Variants in DENND1B observed in about 807,000 individuals in gnomAD.
DENND1B encodes the protein DENN domain-containing protein 1B.
Under a neutral mutation model 90.1 loss-of-function variants are expected in DENND1B, and 59 were observed. The observed-to-expected ratio is 0.65, with a 90% CI of 0.53 to 0.81. DENND1B has a LOEUF of 0.81. Among genes scored for constraint, DENND1B ranks in the 40% least tolerant of loss-of-function variants. DENND1B has a pLI of 0.00. For synonymous variants in DENND1B, 337 were observed against 324.6 expected, an observed-to-expected ratio of 1.04 and a Z score of -0.41; for missense variants, 862 against 912.6, an observed-to-expected ratio of 0.94 and a Z score of 0.71.
intron 14 of DENND1B, among the ~76,000 whole-genome samples, chr1:197,589,704 A>C (rs1431426495): frequency 2.6e-5 from 4 of 152,192 alleles, no homozygotes; most frequent in Non-Finnish European, 4.4e-5. Flanking sequence ...TAATCAAAAA[A>C]TGTTTGAAAG....
chr1:197,562,204 GTCT>G (rs1251157643), intron 15 of DENND1B, among the ~76,000 whole-genome samples: 11 of 151,832 alleles, frequency 7.2e-5, no homozygotes, highest in African/African-American at 1.9e-4. Flanking sequence ...GTCAGAGATT[GTCT>G]TCTTCTTCAT....
intron 2 of DENND1B, among the ~76,000 whole-genome samples, chr1:197,730,106 G>A (rs1430232513): frequency 1.3e-5 from 2 of 152,042 alleles, no homozygotes; most frequent in Non-Finnish European, 2.9e-5. Context: ...TTAAAATAAT[G>A]TTTTTATGTA....
At chr1:197,743,672 G>T (rs936244021) in intron 2 of DENND1B, among the ~76,000 whole-genome samples, 1 of 152,164 alleles carries the variant, frequency 6.6e-6, no homozygotes, top group Non-Finnish European at 1.5e-5. Flanking sequence ...ATCCACAGTA[G>T]AACATCTTTC....
intron 12 of DENND1B, among the ~76,000 whole-genome samples, chr1:197,607,872 TC>T (rs1676831995): frequency 6.6e-6 from 1 of 150,752 alleles, no homozygotes; most frequent in Non-Finnish European, 1.5e-5. Flanking sequence ...ATCATAGTTT[TC>T]ATCCTTAAAG....
intron 7 of DENND1B, 26 bp downstream of exon 7, chr1:197,652,209 A>G: frequency 6.3e-7 from 1 of 1,598,654 alleles, no homozygotes; most frequent in South Asian, 1.1e-5. Context: ...ATGACTCCCA[A>G]AAACAATTAC....
chr1:197,723,191 T>C (rs1167742170), intron 2 of DENND1B, among the ~76,000 whole-genome samples: 1 of 152,204 alleles, frequency 6.6e-6, no homozygotes, highest in Non-Finnish European at 1.5e-5. Flanking sequence ...ATGTTAGATA[T>C]AACATTTTGC....
chr1:197,699,019 T>G (rs1342079435), intron 3 of DENND1B, among the ~76,000 whole-genome samples: 1 of 151,942 alleles, frequency 6.6e-6, no homozygotes, highest in Non-Finnish European at 1.5e-5. Flanking sequence ...TGAAACTATT[T>G]CAAATAACTG....
intron 11 of DENND1B, among the ~76,000 whole-genome samples, chr1:197,612,928 A>T (rs1331857433): frequency 6.6e-6 from 1 of 150,828 alleles, no homozygotes; most frequent in African/African-American, 2.4e-5. Context: ...AACCTAAAAT[A>T]TTATCTAACA....
chr1:197,685,372 G>C (rs1261642015), intron 3 of DENND1B, among the ~76,000 whole-genome samples: 1 of 152,080 alleles, frequency 6.6e-6, no homozygotes, highest in Admixed American at 6.6e-5. Flanking sequence ...AGACAACCTG[G>C]GGTCAGTTGT....
intron 2 of DENND1B, chr1:197,735,021 C>T: frequency 4.1e-6 from 4 of 985,610 alleles, no homozygotes; most frequent in Non-Finnish European, 4.8e-6. Context: ...TTAAATATTT[C>T]ATTCCTACTT....
chr1:197,638,857 G>A (rs538379236), intron 10 of DENND1B, among the ~76,000 whole-genome samples: 2 of 100,862 alleles, frequency 2.0e-5, no homozygotes, highest in African/African-American at 7.3e-5. Flanking sequence ...ACAGAATAAT[G>A]TATGAATCAA....
rs1456156673 is a variant in DENND1B at position 197,506,747 on chromosome 1, G to A, written c.*3713C>T. ...CAGTCACATAGTTTTTATTTAGAAG[G>A]GAGAGACTGTTTCTACAGAACGCTG... On this transcript the variant is annotated 3_prime_UTR_variant, in exon 23 of 23. Coordinates refer to ENST00000620048, the MANE Select transcript of DENND1B (RefSeq NM_001195215.2). 1 of 151,306 alleles carries A rather than the reference G, an allele frequency of 6.6e-6. No individual in the cohort carries two copies. The highest frequency in any genetic ancestry group is 2.4e-5 in the African/African-American group (1 of 41,306). The allele number at this position is 151,306 out of a possible 1,614,324, so 9.4% of individuals were successfully genotyped here.
intron 4 of DENND1B, among the ~76,000 whole-genome samples, 191 bp from the exon 5 acceptor site, chr1:197,672,347 A>G (rs1247085427): frequency 6.6e-6 from 1 of 152,084 alleles, no homozygotes; most frequent in African/African-American, 2.4e-5. Flanking sequence ...ATAAGTTGTA[A>G]TACCTCATAG....
chr1:197,616,829 A>T (rs774832562), intron 11 of DENND1B, among the ~76,000 whole-genome samples: 14 of 151,192 alleles, frequency 9.3e-5, no homozygotes, highest in Non-Finnish European at 2.1e-4. Context: ...GTGTGTGCAC[A>T]ATGATTTAGA....
intron 3 of DENND1B, among the ~76,000 whole-genome samples, chr1:197,682,236 C>T (rs1656765531): frequency 6.6e-6 from 1 of 151,906 alleles, no homozygotes. Context: ...CTTGAATGTC[C>T]TGGAAGTCTA....
chr1:197,629,774 T>C (rs943042180), intron 10 of DENND1B, among the ~76,000 whole-genome samples: 2 of 151,962 alleles, frequency 1.3e-5, no homozygotes, highest in African/African-American at 4.8e-5. Context: ...CCACGGACTT[T>C]AGAGGAAATA....
At chr1:197,536,143 A>ATAGAT (rs1262644263) in intron 20 of DENND1B, among the ~76,000 whole-genome samples, 5 of 126,760 alleles carry the variant, frequency 3.9e-5, no homozygotes, top group African/African-American at 1.4e-4. Flanking sequence ...AGAGATTGAG[A>ATAGAT]GAGAGAGAGA....
intron 3 of DENND1B, among the ~76,000 whole-genome samples, chr1:197,697,029 G>A (rs1460519049): frequency 7.3e-6 from 1 of 136,378 alleles, no homozygotes; most frequent in Non-Finnish European, 1.6e-5. Context: ...TTAATTAACA[G>A]AACTGGACCA....
chr1:197,635,760 T>G (rs980249120), intron 10 of DENND1B, among the ~76,000 whole-genome samples: 12 of 152,218 alleles, frequency 7.9e-5, no homozygotes, highest in Non-Finnish European at 1.5e-4. Context: ...GATGTTACAC[T>G]GGTTACTCAT....
Sources: allele counts gnomAD v4.1 joint callset (sites outside exome capture counted in the v4.1 genomes callset), GRCh38; gene constraint gnomAD v4.1.1; transcripts MANE v1.5; gene names NCBI Gene and HGNC (gene_info 2026-07-23, HGNC 2026-07-21).